Variants in DHRSX observed in about 807,000 individuals in gnomAD.
The protein encoded by DHRSX is dehydrogenase/reductase X-linked, also known as polyprenol dehydrogenase.
A neutral mutation model predicts 34.0 loss-of-function variants in DHRSX; 31 were observed. The observed-to-expected ratio is 0.91, with a 90% CI of 0.69 to 1.23. DHRSX has a LOEUF of 1.23. DHRSX is among the 50% of genes most tolerant of loss of function. The probability of loss-of-function intolerance (pLI) is 0.00; values close to 1 mark genes in which losing one functional copy is unlikely to be tolerated. For missense variants in DHRSX, 414 were observed against 428.1 expected (o/e 0.97, Z 0.29); for synonymous variants, 201 against 183.8 (o/e 1.09, Z -0.76).
At chrX:2,429,917 G>C (rs1167696624) in intron 1 of DHRSX, among the ~76,000 whole-genome samples, 2 of 152,110 alleles carry the variant, frequency 1.3e-5, no homozygotes, top group African/African-American at 4.8e-5. Context: ...ATTCAGGAAG[G>C]TAGTCAGATA....
At chrX:2,474,976 T>C (rs185108927) in intron 1 of DHRSX, among the ~76,000 whole-genome samples, 104 of 151,500 alleles carry the variant, frequency 6.9e-4, no homozygotes, top group South Asian at 5.2e-3. Flanking sequence ...CCTAGGCATG[T>C]GGCCAAGGGA....
intron 1 of DHRSX, among the ~76,000 whole-genome samples, chrX:2,442,669 C>T (rs1021174609): frequency 6.6e-6 from 1 of 151,862 alleles, no homozygotes; most frequent in African/African-American, 2.4e-5. Context: ...AAAACCCAGC[C>T]GCGATTTCCT....
intron 1 of DHRSX, among the ~76,000 whole-genome samples, chrX:2,468,916 G>A (rs192031446): frequency 1.3e-4 from 19 of 141,840 alleles, no homozygotes; most frequent in Admixed American, 9.2e-4. Context: ...GACCGCTGCC[G>A]TTGCACACTG....
chrX:2,466,966 G>A (rs1388095194), intron 1 of DHRSX, among the ~76,000 whole-genome samples: 4 of 151,700 alleles, frequency 2.6e-5, no homozygotes, highest in Admixed American at 6.6e-5. Context: ...CTGACAGGCT[G>A]AGGTGGGAGA....
At chrX:2,426,684 CCCTTTCCTT>C (rs1450492368) in intron 1 of DHRSX, among the ~76,000 whole-genome samples, 1 of 148,472 alleles carries the variant, frequency 6.7e-6, no homozygotes, top group Non-Finnish European at 1.5e-5. Context: ...TTCCTTCCCT[CCCTTTCCTT>C]CCTTTCTCCT....
At chrX:2,430,227 G>A (rs149561930) in intron 1 of DHRSX, among the ~76,000 whole-genome samples, 341 of 139,518 alleles carry the variant, frequency 2.4e-3, no homozygotes, top group African/African-American at 8.0e-3. Flanking sequence ...CCACTGCACC[G>A]CAGCCTGGGC....
At chrX:2,496,957 C>G (rs2045302043) in intron 1 of DHRSX, among the ~76,000 whole-genome samples, 1 of 150,734 alleles carries the variant, frequency 6.6e-6, no homozygotes, top group Admixed American at 6.6e-5. Flanking sequence ...ATGTAATTGG[C>G]CTGTTACCAT....
chrX:2,421,938 G>A (rs2043785677), intron 2 of DHRSX, among the ~76,000 whole-genome samples: 1 of 152,280 alleles, frequency 6.6e-6, no homozygotes, highest in Middle Eastern at 3.4e-3. Flanking sequence ...GTAACATGAT[G>A]ACTTTTAGCC....
At chrX:2,480,076 GC>G (rs11296102) in intron 1 of DHRSX, among the ~76,000 whole-genome samples, 30,500 of 151,990 alleles carry the variant, frequency 0.2, 4,040 homozygotes, top group African/African-American at 0.38. Context: ...CCTGTGCACT[GC>G]CAACACTACT....
intron 1 of DHRSX, among the ~76,000 whole-genome samples, chrX:2,491,119 C>G (rs1179325424): frequency 3.6e-5 from 5 of 139,568 alleles, no homozygotes; most frequent in African/African-American, 8.0e-5. Context: ...ACCCAGGCTG[C>G]AGTGCAATGG....
intron 3 of DHRSX, among the ~76,000 whole-genome samples, chrX:2,340,460 G>GTATATA (rs745970460): frequency 7.3e-5 from 11 of 150,794 alleles, no homozygotes; most frequent in Admixed American, 1.3e-4. Flanking sequence ...GTGTGTGTGT[G>GTATATA]TATATATATA....
At chrX:2,272,234 C>T (rs1289465490) in intron 4 of DHRSX, among the ~76,000 whole-genome samples, 2 of 152,062 alleles carry the variant, frequency 1.3e-5, no homozygotes, top group African/African-American at 4.8e-5. Flanking sequence ...ATCTTTTTCA[C>T]GATGCCATTT....
At position 2,373,729 on chromosome X, in the gene DHRSX, C is replaced by T. The variant is rs750638522; in HGVS notation, c.286+35016G>A. ...TTCAAGGGCCCCTGCGTACCTGACG[C>T]GGTGTGGACAGTTCGCACCCACATA... On this transcript the variant is annotated intron_variant, in intron 3 of 6. Transcript: ENST00000334651. 1.3e-3 allele frequency among the ~76,000 whole-genome samples: 191 copies of T among 151,950 alleles called. 1 individual carries two copies. Among genetic ancestry groups the T allele is most frequent in the African/African-American group, 4.3e-3 (177 of 41,314 alleles).
chrX:2,276,716 G>A (rs1008850852), intron 4 of DHRSX, among the ~76,000 whole-genome samples: 1 of 150,848 alleles, frequency 6.6e-6, no homozygotes, highest in African/African-American at 2.4e-5. Flanking sequence ...GGAGAGTGAT[G>A]GGGATGAAAG....
intron 3 of DHRSX, among the ~76,000 whole-genome samples, chrX:2,351,747 C>A (rs1258684668): frequency 1.3e-5 from 2 of 152,084 alleles, no homozygotes; most frequent in African/African-American, 4.8e-5. Flanking sequence ...CCCTCCCTGC[C>A]CTTACTCTGT....
chrX:2,370,656 G>A (rs2043046940), intron 3 of DHRSX, among the ~76,000 whole-genome samples: 3 of 150,576 alleles, frequency 2.0e-5, no homozygotes, highest in Non-Finnish European at 2.9e-5. Flanking sequence ...CCTAGGACAA[G>A]GCTGGCCACA....
chrX:2,298,626 A>ACGCACACACACACACGTACACACGCG (rs2041971242), intron 3 of DHRSX, among the ~76,000 whole-genome samples: 3 of 97,432 alleles, frequency 3.1e-5, no homozygotes, highest in Admixed American at 1.1e-4. Context: ...ACACACACAC[A>ACGCACACACACACACGTACACACGCG]CACACACACA....
chrX:2,288,278 C>T (rs766099669), intron 4 of DHRSX, among the ~76,000 whole-genome samples: 50 of 152,204 alleles, frequency 3.3e-4, no homozygotes, highest in Non-Finnish European at 1.9e-4. Context: ...TCTTGTTGCC[C>T]AGACTGGAGT....
At chrX:2,417,833 T>C (rs2043715828) in intron 2 of DHRSX, among the ~76,000 whole-genome samples, 1 of 152,016 alleles carries the variant, frequency 6.6e-6, no homozygotes, top group Non-Finnish European at 1.5e-5. Context: ...TTCATCACAT[T>C]CTACTCAACT....
Sources: gnomAD v4.1 joint callset for allele counts (sites outside exome capture counted in the v4.1 genomes callset) on GRCh38, gnomAD v4.1.1 for gene constraint, MANE v1.5 for transcripts, NCBI Gene and HGNC (gene_info 2026-07-23, HGNC 2026-07-21) for gene names.